MTFR1: variants seen among roughly 807,000 people sequenced by gnomAD.
The protein encoded by MTFR1 is mitochondrial fission regulator 1.
A neutral mutation model predicts 38.8 loss-of-function variants in MTFR1; 28 were observed. The observed-to-expected ratio is 0.72, with a 90% CI of 0.53 to 0.99. The LOEUF is 0.99. Among genes scored for constraint, MTFR1 ranks in the 50% least tolerant of loss-of-function variants. MTFR1 has a pLI of 0.00. For missense variants in MTFR1, 358 were observed against 395.5 expected (o/e 0.91, Z 0.81); for synonymous variants, 145 against 137.0 (o/e 1.06, Z -0.41).
intron 3 of MTFR1, chr8:65,726,918 A>G (rs1267022340): frequency 2.5e-6 from 4 of 1,610,074 alleles, no homozygotes; most frequent in East Asian, 2.2e-5. Context: ...GATTCTCTCA[A>G]TAAGCCCACT....
At chr8:65,682,969 T>C (rs1804947726) in intron 3 of MTFR1, 1 of 967,196 alleles carries the variant, frequency 1.0e-6, no homozygotes, top group African/African-American at 1.8e-5. Context: ...CGCAGTGAGG[T>C]GATAGTCAAA....
intron 3 of MTFR1, among the ~76,000 whole-genome samples, chr8:65,692,619 C>G (rs910481568): frequency 6.6e-6 from 1 of 151,796 alleles, no homozygotes; most frequent in Non-Finnish European, 1.5e-5. Flanking sequence ...GGACTGTAGG[C>G]AGGAACCACT....
downstream of MTFR1, among the ~76,000 whole-genome samples, chr8:65,715,369 C>T (rs1806090298): frequency 6.7e-6 from 1 of 150,044 alleles, no homozygotes; most frequent in South Asian, 2.1e-4. Context: ...GACCCTGTCT[C>T]TATAAAAAAG....
At chr8:65,652,541 T>C (rs1286886965) in intron 1 of MTFR1, among the ~76,000 whole-genome samples, 1 of 152,200 alleles carries the variant, frequency 6.6e-6, no homozygotes, top group Non-Finnish European at 1.5e-5. Context: ...CCCTCTTAAA[T>C]TGCTTTTGAG....
intron 7 of MTFR1, chr8:65,708,326 C>A (rs1051129084): frequency 9.7e-6 from 4 of 412,402 alleles, no homozygotes; most frequent in East Asian, 5.5e-5. Context: ...TCCAATGTTA[C>A]ATTTTCTATG....
At chr8:65,693,521 G>T in intron 3 of MTFR1, 123 bp from the exon 4 acceptor site, 1 of 673,706 alleles carries the variant, frequency 1.5e-6, no homozygotes, top group Non-Finnish European at 2.6e-6. Context: ...TTCAGTGGAA[G>T]AGTTAGAAAC....
chr8:65,653,691 G>A (rs936577486), intron 1 of MTFR1, among the ~76,000 whole-genome samples: 4 of 152,106 alleles, frequency 2.6e-5, no homozygotes, highest in African/African-American at 9.7e-5. Context: ...TACTTAGATG[G>A]TCCAAATTAG....
At chr8:65,737,289 G>A (rs572049259) in intron 3 of MTFR1, among the ~76,000 whole-genome samples, 5 of 151,966 alleles carry the variant, frequency 3.3e-5, no homozygotes, top group South Asian at 4.2e-4. Context: ...CCACATTAGC[G>A]GCAACAGGAT....
chr8:65,696,563 T>A (rs1272475547), intron 4 of MTFR1, among the ~76,000 whole-genome samples: 1 of 152,196 alleles, frequency 6.6e-6, no homozygotes, highest in African/African-American at 2.4e-5. Context: ...ATCCCCAACC[T>A]CAACTCCTTC....
chr8:65,773,911 C>A (rs1418247510), downstream of MTFR1, among the ~76,000 whole-genome samples: 1 of 152,148 alleles, frequency 6.6e-6, no homozygotes, highest in African/African-American at 2.4e-5. Context: ...AGGCTGGAGA[C>A]TCCAAATACA....
chr8:65,677,570 C>A (rs1452589442), intron 2 of MTFR1, among the ~76,000 whole-genome samples: 1 of 150,810 alleles, frequency 6.6e-6, no homozygotes, highest in Non-Finnish European at 1.5e-5. Flanking sequence ...TTAGTAGAGA[C>A]AGGGTTTCAC....
chr8:65,740,212 C>T (rs755274977), intron 3 of MTFR1, among the ~76,000 whole-genome samples: 11 of 152,116 alleles, frequency 7.2e-5, no homozygotes, highest in South Asian at 2.1e-4. Context: ...CAGAATATCG[C>T]TACAAACTCG....
At chr8:65,775,006 T>A (rs1809217325), downstream of MTFR1, among the ~76,000 whole-genome samples, 1 of 152,216 alleles carries the variant, frequency 6.6e-6, no homozygotes, top group Non-Finnish European at 1.5e-5. Context: ...TTAATTTATG[T>A]TTTCTACATT....
intron 2 of MTFR1, among the ~76,000 whole-genome samples, chr8:65,677,068 C>CTTTTTTTTTTT (rs1166560010): frequency 1.3e-4 from 13 of 100,108 alleles, no homozygotes; most frequent in African/African-American, 2.3e-4. Flanking sequence ...CTATTTCTCT[C>CTTTTTTTTTTT]TTTTTTTTTT....
chr8:65,756,921 T>G (rs79037298), intron 3 of MTFR1, among the ~76,000 whole-genome samples: 1 of 152,032 alleles, frequency 6.6e-6, no homozygotes, highest in Non-Finnish European at 1.5e-5. Flanking sequence ...TGCTGGCTTA[T>G]GATAAAGGGT....
At position 65,651,591 on chromosome 8, in the gene MTFR1, T is replaced by C. The variant is rs138562392; in HGVS notation, c.-81+6807T>C. 2.6e-5 allele frequency among the ~76,000 whole-genome samples: 4 copies of C among 152,340 alleles called. No individual in the cohort carries two copies. In the East Asian group the frequency reaches 7.7e-4, roughly 29 times the overall value. On this transcript the variant is annotated intron_variant, in intron 1 of 7. Transcript: ENST00000262146. ...CCAATGTATGTTCTTGGCACCTTTG[T>C]TAAAAATGAGTTTACTGTAGACCTA...
At chr8:65,695,358 T>G (rs1381948063) in intron 4 of MTFR1, among the ~76,000 whole-genome samples, 1 of 151,866 alleles carries the variant, frequency 6.6e-6, no homozygotes, top group East Asian at 1.9e-4. Context: ...TTTTTTTTTT[T>G]GTTTTGTTTT....
At chr8:65,663,378 G>T (rs1221070995) in intron 1 of MTFR1, among the ~76,000 whole-genome samples, 3 of 151,832 alleles carry the variant, frequency 2.0e-5, no homozygotes, top group Non-Finnish European at 4.4e-5. Flanking sequence ...CAAGTACCCA[G>T]GGACACAAAC....
intron 3 of MTFR1, among the ~76,000 whole-genome samples, chr8:65,749,899 A>C (rs1807854968): frequency 6.6e-6 from 1 of 152,248 alleles, no homozygotes; most frequent in South Asian, 2.1e-4. Flanking sequence ...ATTTCAGATG[A>C]AGATATGGAC....
Sources: gnomAD v4.1 joint callset for allele counts (sites outside exome capture counted in the v4.1 genomes callset) on GRCh38, gnomAD v4.1.1 for gene constraint, MANE v1.5 for transcripts, NCBI Gene and HGNC (gene_info 2026-07-23, HGNC 2026-07-21) for gene names.